Variants in PLXDC2 observed in about 807,000 individuals in gnomAD.
The protein encoded by PLXDC2 is plexin domain containing 2.
PLXDC2 carries 40 observed loss-of-function variants against 68.9 expected under a neutral mutation model. The ratio of observed to expected loss-of-function variants is 0.58; its 90% CI spans 0.45 to 0.76. The LOEUF is 0.76. PLXDC2 is among the 30% of genes least tolerant of loss of function. PLXDC2 has a pLI of 0.00. For missense variants in PLXDC2, 644 were observed against 661.9 expected (o/e 0.97, Z 0.30); for synonymous variants, 243 against 234.2 (o/e 1.04, Z -0.34).
At chr10:19,916,996 G>T (rs1833379766) in intron 1 of PLXDC2, among the ~76,000 whole-genome samples, 1 of 152,156 alleles carries the variant, frequency 6.6e-6, no homozygotes, top group Admixed American at 6.5e-5. Context: ...TATGAAAAGA[G>T]TTTGAAGACC....
chr10:19,925,937 A>T (rs535619355), intron 1 of PLXDC2, among the ~76,000 whole-genome samples: 5 of 152,340 alleles, frequency 3.3e-5, no homozygotes, highest in African/African-American at 1.2e-4. Context: ...CTCTATGCTC[A>T]TTATATTGAT....
chr10:20,201,463 A>T lies in PLXDC2; in HGVS notation c.1062-10206A>T, dbSNP rs565604182. ...TATAAATTATAGCTAGATAGGAGTA[A>T]GTTCTAATGTTCTATTTTATATACA... On this transcript the variant is annotated intron_variant, in intron 9 of 13. Transcript: ENST00000377252. 5.3e-5 allele frequency among the ~76,000 whole-genome samples: 8 copies of T among 152,126 alleles called. No individual in the cohort carries two copies. The East Asian group carries it at 1.5e-3, about 29-fold the overall frequency.
chr10:20,245,279 C>T lies in PLXDC2; in HGVS notation c.1313-66C>T. 2.7e-6 allele frequency: 4 copies of T among 1,504,288 alleles called. No homozygotes were observed. The South Asian group carries it at 5.5e-5, about 21-fold the overall frequency. 93.2% of individuals were successfully genotyped at this position (1,504,288 alleles called of 1,614,324 possible). ...ACTTTATTAAAAACACAAATATCTC[C>T]TCAGATGAAAATGCAAACTTGAGGG... On this transcript the variant is annotated intron_variant, in intron 12 of 13. Coordinates refer to ENST00000377252, the MANE Select transcript of PLXDC2 (RefSeq NM_032812.9).
intron 1 of PLXDC2, among the ~76,000 whole-genome samples, chr10:19,903,578 A>T (rs1410575294): frequency 6.6e-6 from 1 of 151,878 alleles, no homozygotes; most frequent in East Asian, 1.9e-4. Flanking sequence ...TTGCTGGTTA[A>T]TCTTGCTAAT....
intron 1 of PLXDC2, among the ~76,000 whole-genome samples, chr10:19,846,478 A>G (rs1197085049): frequency 2.0e-5 from 3 of 152,208 alleles, no homozygotes; most frequent in East Asian, 3.9e-4. Context: ...TTGATGTGAT[A>G]CCTTCCATTT....
chr10:20,162,994 T>C (rs1171215188), intron 6 of PLXDC2, among the ~76,000 whole-genome samples: 8 of 150,390 alleles, frequency 5.3e-5, no homozygotes, highest in African/African-American at 1.5e-4. Context: ...GGCATGAGAA[T>C]AGCTTCAACC....
chr10:19,948,737 TA>T (rs1331684393), intron 1 of PLXDC2, among the ~76,000 whole-genome samples: 1 of 152,114 alleles, frequency 6.6e-6, no homozygotes, highest in Admixed American at 6.6e-5. Context: ...GTGTTGATAA[TA>T]AAAGAACTTG....
intron 1 of PLXDC2, among the ~76,000 whole-genome samples, chr10:19,943,634 C>G (rs1408131488): frequency 6.6e-6 from 1 of 152,202 alleles, no homozygotes; most frequent in African/African-American, 2.4e-5. Context: ...CACTGGCTTT[C>G]TTCACACACT....
At chr10:19,971,753 C>CTGATCATAACTTGTTA (rs1316349865) in intron 1 of PLXDC2, among the ~76,000 whole-genome samples, 2 of 152,058 alleles carry the variant, frequency 1.3e-5, no homozygotes, top group African/African-American at 4.8e-5. Flanking sequence ...AGCAATGTGT[C>CTGATCATAACTTGTTA]TGATCATAAC....
chr10:19,982,974 TTCA>T (rs1247249807), intron 1 of PLXDC2, among the ~76,000 whole-genome samples: 1 of 152,186 alleles, frequency 6.6e-6, no homozygotes, highest in African/African-American at 2.4e-5. Context: ...ATTTTAGTAC[TTCA>T]TCATAGTCTC....
chr10:19,868,136 G>A (rs1837457011), intron 1 of PLXDC2, among the ~76,000 whole-genome samples: 1 of 151,832 alleles, frequency 6.6e-6, no homozygotes, highest in Non-Finnish European at 1.5e-5. Flanking sequence ...CTTTATTTTG[G>A]GTTTGGGGGT....
chr10:20,143,033 A>G (rs912364633), intron 4 of PLXDC2, among the ~76,000 whole-genome samples: 1 of 152,040 alleles, frequency 6.6e-6, no homozygotes, highest in African/African-American at 2.4e-5. Context: ...CATCCAGATA[A>G]TGGTCACTTT....
intron 1 of PLXDC2, among the ~76,000 whole-genome samples, chr10:19,943,088 C>A (rs1833843799): frequency 6.6e-6 from 1 of 152,190 alleles, no homozygotes; most frequent in Non-Finnish European, 1.5e-5. Context: ...AGCTTCCTCT[C>A]CATCCTTATA....
intron 9 of PLXDC2, among the ~76,000 whole-genome samples, chr10:20,202,990 C>A (rs1834941169): frequency 6.6e-6 from 1 of 152,030 alleles, no homozygotes; most frequent in Non-Finnish European, 1.5e-5. Context: ...GGACATTTTG[C>A]CAACATCATC....
chr10:19,827,032 T>G (rs1836585954), intron 1 of PLXDC2, among the ~76,000 whole-genome samples: 1 of 152,214 alleles, frequency 6.6e-6, no homozygotes, highest in African/African-American at 2.4e-5. Context: ...CATGGATAAT[T>G]AGTGCTCTTG....
chr10:19,932,529 G>A lies in PLXDC2; in HGVS notation c.113-69246G>A, dbSNP rs116438795. ...TTATTTGTTTCACACACTATACAGC[G>A]TTTTATGATTTCTCTTTATTTTTGA... On this transcript the variant is annotated intron_variant, in intron 1 of 13. Transcript: ENST00000377252. 4.5e-3 allele frequency among the ~76,000 whole-genome samples: 681 copies of A among 152,196 alleles called. 4 individuals are homozygous for A. Among genetic ancestry groups the A allele is most frequent in the African/African-American group, 0.016 (648 of 41,540 alleles).
intron 1 of PLXDC2, among the ~76,000 whole-genome samples, chr10:19,975,350 C>T (rs1382754117): frequency 2.0e-5 from 3 of 151,876 alleles, no homozygotes; most frequent in Non-Finnish European, 4.4e-5. Flanking sequence ...CCCAGCTACT[C>T]GGGAGGCCGA....
chr10:19,823,138 G>A lies in PLXDC2; in HGVS notation c.112+5947G>A, dbSNP rs544594197. On this transcript the variant is annotated intron_variant, in intron 1 of 13. Transcript: ENST00000377252. ...TCACTGTGTTAGCCAGGATGGTCTC[G>A]ATCTCCTGACCTCGTGATCAACCCA... is the stretch of plus-strand genomic sequence containing the variant. Among the ~76,000 whole-genome samples, 22 of 151,936 alleles carry A rather than the reference G, an allele frequency of 1.4e-4. No individual in the cohort carries two copies. The East Asian group carries it at 1.9e-3, about 13-fold the overall frequency.
At chr10:20,153,240 C>A (rs1834173759) in intron 6 of PLXDC2, among the ~76,000 whole-genome samples, 4 of 152,086 alleles carry the variant, frequency 2.6e-5, no homozygotes, top group Non-Finnish European at 4.4e-5. Context: ...GAAAGACAGT[C>A]AAGGATATCA....
Sources: gnomAD v4.1 joint callset for allele counts (sites outside exome capture counted in the v4.1 genomes callset) on GRCh38, gnomAD v4.1.1 for gene constraint, MANE v1.5 for transcripts, NCBI Gene and HGNC (gene_info 2026-07-23, HGNC 2026-07-21) for gene names.